Variants in PTPRD observed in about 807,000 individuals in gnomAD.
The protein encoded by PTPRD is receptor-type tyrosine-protein phosphatase delta.
A neutral mutation model predicts 214.5 loss-of-function variants in PTPRD; 34 were observed. That is an observed-to-expected ratio of 0.16 (90% CI 0.12 to 0.21). The LOEUF (loss-of-function observed/expected upper bound fraction) is 0.21. PTPRD is among the 10% of genes least tolerant of loss of function. The pLI, the probability that PTPRD is intolerant of heterozygous loss-of-function variation, is 1.00. For missense variants in PTPRD, 2,545 were observed against 2,398.7 expected, an observed-to-expected ratio of 1.06 and a Z score of -1.27; for synonymous variants, 1,128 against 845.7, an observed-to-expected ratio of 1.33 and a Z score of -5.79.
intron 10 of PTPRD, among the ~76,000 whole-genome samples, chr9:9,066,989 T>G (rs12377193): frequency 0.41 from 62,175 of 152,082 alleles, 14,267 homozygotes; most frequent in East Asian, 0.7. Context: ...ATGCCTGTAA[T>G]CCCAGCACTT....
At chr9:9,245,164 T>A (rs917794090) in intron 9 of PTPRD, among the ~76,000 whole-genome samples, 3 of 152,038 alleles carry the variant, frequency 2.0e-5, no homozygotes, top group Non-Finnish European at 4.4e-5. Flanking sequence ...TGTGGAGAAA[T>A]AGGAACACTT....
intron 14 of PTPRD, among the ~76,000 whole-genome samples, chr9:8,578,235 T>C (rs1337338225): frequency 2.0e-5 from 3 of 152,162 alleles, no homozygotes; most frequent in African/African-American, 4.8e-5. Flanking sequence ...AATAAGATCA[T>C]ATGAAGTTAT....
chr9:10,041,667 T>A (rs1418972059), intron 3 of PTPRD, among the ~76,000 whole-genome samples: 1 of 151,986 alleles, frequency 6.6e-6, no homozygotes, highest in African/African-American at 2.4e-5. Flanking sequence ...GTATCAATGT[T>A]ATGAAAATGT....
chr9:10,610,091 C>T (rs76679486), intron 2 of PTPRD, among the ~76,000 whole-genome samples: 5,734 of 152,162 alleles, frequency 0.038, 167 homozygotes, highest in Non-Finnish European at 0.06. Context: ...CACATTACTG[C>T]TGACACTAGC....
chr9:9,133,302 A>G (rs2099845700), intron 10 of PTPRD, among the ~76,000 whole-genome samples: 1 of 152,320 alleles, frequency 6.6e-6, no homozygotes, highest in South Asian at 2.1e-4. Flanking sequence ...ACGATGTTCC[A>G]GGCTTGGCAA....
intron 9 of PTPRD, among the ~76,000 whole-genome samples, chr9:9,270,721 G>A (rs978019702): frequency 2.0e-4 from 31 of 151,538 alleles, no homozygotes; most frequent in African/African-American, 7.0e-4. Flanking sequence ...ATGGTATGCA[G>A]AAAGATCAAT....
intron 8 of PTPRD, among the ~76,000 whole-genome samples, chr9:9,398,853 T>C (rs1424102656): frequency 6.6e-6 from 1 of 152,012 alleles, no homozygotes; most frequent in East Asian, 1.9e-4. Flanking sequence ...ACTGGCATCA[T>C]CTTAGAAAAG....
chr9:9,958,503 C>G (rs1014914764), intron 4 of PTPRD, among the ~76,000 whole-genome samples: 3 of 152,118 alleles, frequency 2.0e-5, no homozygotes, highest in Non-Finnish European at 4.4e-5. Context: ...TGCACTCCAG[C>G]CTGGGTGACA....
intron 11 of PTPRD, among the ~76,000 whole-genome samples, chr9:8,966,208 A>G (rs2099193375): frequency 6.6e-6 from 1 of 152,120 alleles, no homozygotes; most frequent in Non-Finnish European, 1.5e-5. Context: ...TGCTATTCCT[A>G]TCAAATTTCC....
chr9:9,349,763 T>A (rs1569567607), intron 9 of PTPRD, among the ~76,000 whole-genome samples: 2 of 152,026 alleles, frequency 1.3e-5, no homozygotes, highest in East Asian at 1.9e-4. Flanking sequence ...ACATGTTTTT[T>A]TTTTGTGCTA....
chr9:9,917,112 G>A (rs1297313950), intron 5 of PTPRD, among the ~76,000 whole-genome samples: 3 of 149,136 alleles, frequency 2.0e-5, no homozygotes, highest in African/African-American at 7.4e-5. Flanking sequence ...AAAAAAACTA[G>A]AAAAATTGTA....
At chr9:9,882,163 A>G (rs12002239) in intron 5 of PTPRD, among the ~76,000 whole-genome samples, 6,711 of 152,140 alleles carry the variant, frequency 0.044, 447 homozygotes, top group African/African-American at 0.15. Flanking sequence ...TATCAAATAC[A>G]TAGTTTCTCT....
At chr9:10,075,637 A>G (rs12554153) in intron 3 of PTPRD, among the ~76,000 whole-genome samples, 5,480 of 151,966 alleles carry the variant, frequency 0.036, 173 homozygotes, top group Admixed American at 0.093. Context: ...TATTTGCTCA[A>G]TGAATACATC....
Position 9,952,185 on chromosome 9 carries a change from T to C in PTPRD, c.-471-13575A>G, listed in dbSNP as rs181952009. Among the ~76,000 whole-genome samples, 30 of 152,166 alleles carry C rather than the reference T, an allele frequency of 2.0e-4. 1 individual carries two copies. The South Asian group carries it at 3.9e-3, about 20-fold the overall frequency. ...AATCCTAACACAGTGAAAAAGTACATTGGTGAAAGGAGAAATGGTAACTTT... is the reference window on the plus strand; with the variant it reads ...AATCCTAACACAGTGAAAAAGTACACTGGTGAAAGGAGAAATGGTAACTTT... On this transcript the variant is annotated intron_variant, in intron 4 of 45. Transcript: ENST00000381196.
At chr9:10,460,380 C>G in intron 2 of PTPRD, among the ~76,000 whole-genome samples, 1 of 151,204 alleles carries the variant, frequency 6.6e-6, no homozygotes, top group East Asian at 1.9e-4. Context: ...ATAAAAAAAC[C>G]CTAAAATTTG....
chr9:10,454,180 C>T (rs58054897), intron 2 of PTPRD, among the ~76,000 whole-genome samples: 8,169 of 151,490 alleles, frequency 0.054, 678 homozygotes, highest in African/African-American at 0.18. Context: ...TCTGGATACC[C>T]AGATTTCCAT....
intron 5 of PTPRD, among the ~76,000 whole-genome samples, chr9:9,835,046 G>C (rs2056328789): frequency 6.6e-6 from 1 of 151,824 alleles, no homozygotes; most frequent in African/African-American, 2.4e-5. Flanking sequence ...AGGGTACTTA[G>C]TTACATAATC....
At chr9:9,139,542 C>T (rs1456547525) in intron 10 of PTPRD, among the ~76,000 whole-genome samples, 4 of 151,894 alleles carry the variant, frequency 2.6e-5, no homozygotes, top group East Asian at 3.9e-4. Flanking sequence ...TCTGTGATAC[C>T]GCGACAGTCG....
intron 11 of PTPRD, among the ~76,000 whole-genome samples, chr9:8,750,355 A>C (rs1033658821): frequency 2.0e-5 from 3 of 151,842 alleles, no homozygotes; most frequent in Non-Finnish European, 4.4e-5. Flanking sequence ...ACAGGGTTTT[A>C]CCAAGTTGGC....
Sources: gnomAD v4.1 joint callset for allele counts (sites outside exome capture counted in the v4.1 genomes callset) on GRCh38, gnomAD v4.1.1 for gene constraint, MANE v1.5 for transcripts, NCBI Gene and HGNC (gene_info 2026-07-23, HGNC 2026-07-21) for gene names.